HGSNAT: variants seen among roughly 807,000 people sequenced by gnomAD.
HGSNAT encodes the protein transmembrane protein 76.
HGSNAT carries 59 observed loss-of-function variants against 85.2 expected under a neutral mutation model. The ratio of observed to expected loss-of-function variants is 0.69; its 90% CI spans 0.56 to 0.86. The LOEUF (loss-of-function observed/expected upper bound fraction) is 0.86, where lower values mean the gene tolerates loss of function less well. Among genes scored for constraint, HGSNAT ranks in the 40% least tolerant of loss-of-function variants. HGSNAT has a pLI of 0.00. For synonymous variants in HGSNAT, 321 were observed against 304.5 expected (o/e 1.05, Z -0.56); for missense variants, 756 against 777.1 (o/e 0.97, Z 0.32).
At chr8:43,169,085 G>A in intron 5 of HGSNAT, 88 bp from the exon 6 acceptor site, 1 of 663,996 alleles carries the variant, frequency 1.5e-6, no homozygotes, top group Non-Finnish European at 2.4e-6. Context: ...TAGAATATGA[G>A]CTTTAATTTT....
At chr8:43,165,669 G>T (rs1803410914) in intron 5 of HGSNAT, among the ~76,000 whole-genome samples, 1 of 152,216 alleles carries the variant, frequency 6.6e-6, no homozygotes, top group Non-Finnish European at 1.5e-5. Flanking sequence ...GGGCTTAGTG[G>T]CTCACACCTG....
intron 5 of HGSNAT, among the ~76,000 whole-genome samples, chr8:43,168,454 G>A (rs1156422423): frequency 2.2e-5 from 3 of 138,320 alleles, no homozygotes; most frequent in Admixed American, 7.6e-5. Flanking sequence ...TCCAGTGGGC[G>A]TGATCTCGGC....
At chr8:43,172,640 G>A (rs1279101467) in intron 8 of HGSNAT, among the ~76,000 whole-genome samples, 2 of 152,164 alleles carry the variant, frequency 1.3e-5, no homozygotes, top group African/African-American at 4.8e-5. Context: ...TTTCTGCTGT[G>A]GGACTGAGGG....
In HGSNAT at chr8:43,171,062, CCAG is replaced by C. The variant is rs199720737; in HGVS notation, c.743+371_743+373del. Among the ~76,000 whole-genome samples, 1,457 of 152,302 alleles carry C rather than the reference CCAG, an allele frequency of 9.6e-3. 11 individuals carry two copies. The highest frequency in any genetic ancestry group is 0.015 in the Non-Finnish European group (1,016 of 68,034). On this transcript the variant is annotated intron_variant, in intron 7 of 17. Transcript: ENST00000379644. ...GATGCACTAGTCTAGCAAGGAAACACCAGCATGTGGCAGAGGGAGGGCTGATCC... is the reference window on the plus strand; with the variant it reads ...GATGCACTAGTCTAGCAAGGAAACACCATGTGGCAGAGGGAGGGCTGATCC...
In HGSNAT at chr8:43,202,317, C is replaced by G. The variant is rs574718760; in HGVS notation, c.*2748C>G. On this transcript the variant is annotated 3_prime_UTR_variant, in exon 18 of 18. Coordinates refer to ENST00000379644, the MANE Select transcript of HGSNAT (RefSeq NM_152419.3). Reference sequence around the variant, plus strand: ...GCAGCCTCCCCTCCTGTCCTATCAGCTAGAAGCGCCTCGCTTGTCCCAAGA... The same window carrying G: ...GCAGCCTCCCCTCCTGTCCTATCAGGTAGAAGCGCCTCGCTTGTCCCAAGA... The G allele has an allele frequency of 1.1e-3, 171 of 152,540 alleles. No homozygotes were observed. The highest frequency in any genetic ancestry group is 4.1e-3 in the African/African-American group (170 of 41,594). 9.4% of individuals were successfully genotyped at this position (152,540 alleles called of 1,614,324 possible). A position where few individuals can be genotyped will look rare whatever the true frequency, so the allele number is the denominator to read the frequency against.
Position 43,173,742 on chromosome 8 carries a change from T to C in HGSNAT, c.850T>C (p.Trp284Arg). Residue 284 changes from tryptophan to arginine, a missense_variant and splice_region_variant, in exon 9 of 18, where the codon TGG becomes CGG. Physicochemically the swap from Trp to Arg is moderately radical, Grantham distance 101. Coordinates refer to ENST00000379644, the MANE Select transcript of HGSNAT (RefSeq NM_152419.3). ...GACAGTGGCTGACCTCGTGTTCCCGTGGTGAGTTGCCGGTCTGCCCTCTTC... is the reference window on the plus strand; with the variant it reads ...GACAGTGGCTGACCTCGTGTTCCCGCGGTGAGTTGCCGGTCTGCCCTCTTC... ...GLTVADLVFP[W>R]FVFIMGSSIF... The C allele has an allele frequency of 6.2e-7, 1 of 1,612,578 alleles. No homozygotes were observed. Among genetic ancestry groups the C allele is most frequent in the Non-Finnish European group, 8.5e-7 (1 of 1,179,244 alleles).
At position 43,178,266 on chromosome 8, in the gene HGSNAT, C is replaced by A. The variant is rs760474081; in HGVS notation, c.1012+32C>A. 24 of 1,422,256 alleles carry A rather than the reference C, an allele frequency of 1.7e-5. No homozygotes were observed. In the African/African-American group the frequency reaches 2.7e-4, roughly 16 times the overall value. The allele number at this position is 1,422,256 out of a possible 1,614,324, so 88.1% of individuals were successfully genotyped here. ...ACTTTTTCCCTCTGTTATATATATT[C>A]AGGTTGAAATATGGAAACTATATGT... On this transcript the variant is annotated intron_variant, in intron 10 of 17. Coordinates refer to ENST00000379644, the MANE Select transcript of HGSNAT (RefSeq NM_152419.3).
chr8:43,184,076 A>C (rs1432530551), intron 11 of HGSNAT, among the ~76,000 whole-genome samples: 3 of 152,230 alleles, frequency 2.0e-5, no homozygotes, highest in Non-Finnish European at 4.4e-5. Flanking sequence ...TGCTATTGTG[A>C]ATAGTGCTGC....
Position 43,169,168 on chromosome 8 carries a change from T to G in HGSNAT, c.564-5T>G. On this transcript the variant is annotated splice_polypyrimidine_tract_variant and splice_region_variant and intron_variant, in intron 5 of 17. Coordinates refer to ENST00000379644, the MANE Select transcript of HGSNAT (RefSeq NM_152419.3). ...AAATTAATTGAGCCCTTTATTTATT[T>G]TCAGTTTGGATGACTTTAACAATTG... 6.6e-7 allele frequency: 1 copy of G among 1,526,446 alleles called. No individual in the cohort carries two copies. The highest frequency in any genetic ancestry group is 8.8e-7 in the Non-Finnish European group (1 of 1,133,020). The allele number at this position is 1,526,446 out of a possible 1,614,324, so 94.6% of individuals were successfully genotyped here. A position where few individuals can be genotyped will look rare whatever the true frequency, so the allele number is the denominator to read the frequency against.
At chr8:43,172,490 C>G in intron 8 of HGSNAT, 104 bp downstream of exon 8, 1 of 799,670 alleles carries the variant, frequency 1.3e-6, no homozygotes, top group East Asian at 2.5e-5. Context: ...GAAATGAGCC[C>G]CAGCAGCCTC....
intron 11 of HGSNAT, among the ~76,000 whole-genome samples, chr8:43,189,501 A>G (rs1804449445): frequency 6.6e-6 from 1 of 152,188 alleles, no homozygotes; most frequent in African/African-American, 2.4e-5. Flanking sequence ...GTATTAGTGT[A>G]GGAGTGTCCC....
At chr8:43,172,236 A>G in intron 7 of HGSNAT, 74 bp from the exon 8 acceptor site, 2 of 993,798 alleles carry the variant, frequency 2.0e-6, no homozygotes, top group Admixed American at 3.4e-5. Context: ...TGTGAGTATA[A>G]ATGTGTCTTC....
At chr8:43,183,145 T>G (rs1355415319) in intron 11 of HGSNAT, among the ~76,000 whole-genome samples, 1 of 152,208 alleles carries the variant, frequency 6.6e-6, no homozygotes, top group Non-Finnish European at 1.5e-5. Flanking sequence ...CACAATCCTC[T>G]CTGCTAGTTT....
At chr8:43,184,568 T>C (rs1804242055) in intron 11 of HGSNAT, among the ~76,000 whole-genome samples, 1 of 152,262 alleles carries the variant, frequency 6.6e-6, no homozygotes, top group African/African-American at 2.4e-5. Context: ...TGTAAAACTT[T>C]TCTCCCATTC....
rs371141639 is a variant in HGSNAT, at chr8:43,164,737, G to A, written c.563+3230G>A. On this transcript the variant is annotated intron_variant, in intron 5 of 17. Coordinates refer to ENST00000379644, the MANE Select transcript of HGSNAT (RefSeq NM_152419.3). ...TGGAGGTTTGCAGTGAGCCGAGATC[G>A]CGCTACTGCACTCCAGCCTGGGTGA... Among the ~76,000 whole-genome samples, 46 of 152,234 alleles carry A rather than the reference G, an allele frequency of 3.0e-4. No homozygotes were observed. The East Asian group carries it at 4.8e-3, about 16-fold the overall frequency.
chr8:43,141,232 G>T (rs1042802805), intron 1 of HGSNAT, among the ~76,000 whole-genome samples: 2 of 152,134 alleles, frequency 1.3e-5, no homozygotes, highest in African/African-American at 4.8e-5. Flanking sequence ...GCCCGGTCCC[G>T]GGCGAGCCCT....
chr8:43,191,644 A>G, intron 12 of HGSNAT, 49 bp downstream of exon 12: 1 of 1,588,986 alleles, frequency 6.3e-7, no homozygotes, highest in Non-Finnish European at 8.6e-7. Context: ...TGTTCTGCCC[A>G]GTCAGAGGTT....
chr8:43,171,589 A>C (rs1803627362), intron 7 of HGSNAT, among the ~76,000 whole-genome samples: 1 of 152,180 alleles, frequency 6.6e-6, no homozygotes, highest in Non-Finnish European at 1.5e-5. Flanking sequence ...TGGGTTACAG[A>C]GTCTCCCAAA....
intron 1 of HGSNAT, among the ~76,000 whole-genome samples, chr8:43,144,862 C>T (rs1381494244): frequency 1.3e-5 from 2 of 152,164 alleles, no homozygotes; most frequent in Non-Finnish European, 2.9e-5. Context: ...AGCTTAGATT[C>T]AAGCCCAGCT....
Sources: gnomAD v4.1 joint callset for allele counts (sites outside exome capture counted in the v4.1 genomes callset) on GRCh38, gnomAD v4.1.1 for gene constraint, MANE v1.5 for transcripts, NCBI Gene and HGNC (gene_info 2026-07-23, HGNC 2026-07-21) for gene names.